The following PPARA variants were observed in gnomAD, a reference collection of about 807,000 sequenced individuals.
The protein encoded by PPARA is peroxisome proliferator activated receptor alpha.
Under a neutral mutation model 42.2 loss-of-function variants are expected in PPARA, and 22 were observed. The ratio of observed to expected loss-of-function variants is 0.52; its 90% confidence interval spans 0.37 to 0.74. PPARA has a LOEUF of 0.74. Among genes scored for constraint, PPARA ranks in the 30% least tolerant of loss-of-function variants. PPARA has a pLI of 0.00. For missense variants in PPARA, 465 were observed against 608.2 expected (o/e 0.76, Z 2.48); for synonymous variants, 242 against 239.3 (o/e 1.01, Z -0.10).
chr22:46,181,140 G>A (rs774849289), intron 3 of PPARA, among the ~76,000 whole-genome samples: 18 of 152,164 alleles, frequency 1.2e-4, no homozygotes, highest in African/African-American at 2.4e-5. Flanking sequence ...TGCAGGACAC[G>A]AGAGTGGCTC....
Position 46,161,963 on chromosome 22 carries a change from C to T in PPARA, c.-127+9993C>T, listed in dbSNP as rs891034976. ...TCACCTGGGCCCTCCCGGAGGCCCT[C>T]GCCCTCAGTGTGTCTGATTCTGAGC... On this transcript the variant is annotated intron_variant, in intron 2 of 8. Transcript: ENST00000407236. The surrounding 1 kb of genome is among the most constrained non-coding windows in gnomAD (Gnocchi z 4.8). 3.9e-5 allele frequency among the ~76,000 whole-genome samples: 6 copies of T among 152,278 alleles called. No individual in the cohort carries two copies. The highest frequency in any genetic ancestry group is 3.4e-3 in the Middle Eastern group (1 of 294).
rs181379222 is a variant in PPARA, at chr22:46,233,716, T to A, written c.1160-1417T>A. On this transcript the variant is annotated intron_variant, in intron 8 of 8. Coordinates refer to ENST00000407236, the MANE Select transcript of PPARA (RefSeq NM_005036.6). This position sits in a 1 kb window ranked among gnomAD's most constrained non-coding sequence, Gnocchi z 7.3. The stretch of plus-strand genomic sequence containing the variant: ...CACAGTTTTATAAAGGAAATTATAA[T>A]CCTATATCAATCCTATGTATATAGA... 6.8e-4 allele frequency among the ~76,000 whole-genome samples: 104 copies of A among 152,344 alleles called. 1 individual carries two copies. In the East Asian group the frequency reaches 0.018, roughly 27 times the overall value.
In PPARA at chr22:46,219,748, C is replaced by T; in HGVS notation, c.509-64C>T. ...TTAAAGTCCTGGGGGAGCCCCTCGT[C>T]CAGCCCTGTCCGCGCAGTCATGACC... On this transcript the variant is annotated intron_variant, in intron 6 of 8. Coordinates refer to ENST00000407236, the MANE Select transcript of PPARA (RefSeq NM_005036.6). This position sits in a 1 kb window ranked among gnomAD's most constrained non-coding sequence, Gnocchi z 4.8. 6.5e-7 allele frequency: 1 copy of T among 1,537,574 alleles called. No individual in the cohort carries two copies. The highest frequency in any genetic ancestry group is 9.0e-7 in the Non-Finnish European group (1 of 1,112,020).
intron 2 of PPARA, among the ~76,000 whole-genome samples, chr22:46,157,105 T>C (rs6008970): frequency 0.095 from 14,484 of 152,248 alleles, 2,187 homozygotes; most frequent in African/African-American, 0.32. Flanking sequence ...CACCCCTGTT[T>C]CTGTTAGTCT....
chr22:46,186,351 A>G (rs1930801085), intron 3 of PPARA, among the ~76,000 whole-genome samples: 2 of 152,034 alleles, frequency 1.3e-5, no homozygotes, highest in South Asian at 4.2e-4. Context: ...AGTTTATTCA[A>G]GGGTGTATTT....
chr22:46,158,535 A>G (rs1008393432), intron 2 of PPARA, among the ~76,000 whole-genome samples: 2 of 152,240 alleles, frequency 1.3e-5, no homozygotes, highest in Admixed American at 1.3e-4. Flanking sequence ...GTCCCTTTCT[A>G]AGAAGTTCGT....
chr22:46,193,098 ACT>A lies in PPARA; in HGVS notation c.-42-5241_-42-5240del, dbSNP rs1322883778. Among the ~76,000 whole-genome samples, 12 of 151,970 alleles carry A rather than the reference ACT, an allele frequency of 7.9e-5. No homozygotes were observed. The highest frequency in any genetic ancestry group is 5.9e-4 in the Admixed American group (9 of 15,250). ...TGTTGTTGTTTTGAGACAGAGTCTC[ACT>A]CTGTCACCCAGGCTGGAGTGCAGTG... On this transcript the variant is annotated intron_variant, in intron 3 of 8. Coordinates refer to ENST00000407236, the MANE Select transcript of PPARA (RefSeq NM_005036.6). This position sits in a 1 kb window ranked among gnomAD's most constrained non-coding sequence, Gnocchi z 5.3.
chr22:46,155,627 T>G (rs1408946412), intron 2 of PPARA: 1 of 152,250 alleles, frequency 6.6e-6, no homozygotes, highest in Non-Finnish European at 1.5e-5. Flanking sequence ...AGATACTTTT[T>G]AAAAAGGTAT....
At chr22:46,175,675 C>T (rs1179738511) in intron 2 of PPARA, among the ~76,000 whole-genome samples, 3 of 150,786 alleles carry the variant, frequency 2.0e-5, no homozygotes. Flanking sequence ...AATCACACCA[C>T]TGCACTCCAG....
chr22:46,199,649 A>AT lies in PPARA; in HGVS notation c.208+1065dup, dbSNP rs1235693725. Reference sequence around the variant, plus strand: ...AGTGAGACCCTGTCTTTAAAAAAAAATTTTTTTAAGCAACATTGAATGAAA... The same window carrying AT: ...AGTGAGACCCTGTCTTTAAAAAAAAATTTTTTTTAAGCAACATTGAATGAAA... On this transcript the variant is annotated intron_variant, in intron 4 of 8. Coordinates refer to ENST00000407236, the MANE Select transcript of PPARA (RefSeq NM_005036.6). 7.2e-5 allele frequency among the ~76,000 whole-genome samples: 11 copies of AT among 152,108 alleles called. No homozygotes were observed. The South Asian group carries it at 1.0e-3, about 14-fold the overall frequency.
At chr22:46,164,815 T>A (rs1926796975) in intron 2 of PPARA, 1 of 152,212 alleles carries the variant, frequency 6.6e-6, no homozygotes, top group Middle Eastern at 3.2e-3. Context: ...AATGCCTGAA[T>A]ATGAGGAAAA....
In PPARA at chr22:46,221,880, AC is replaced by A. The variant is rs1412031240; in HGVS notation, c.711+1869del. Among the ~76,000 whole-genome samples, 1 of 151,990 alleles carries A rather than the reference AC, an allele frequency of 6.6e-6. No individual in the cohort carries two copies. The highest frequency in any genetic ancestry group is 1.5e-5 in the Non-Finnish European group (1 of 68,006). ...CACTTGAGGTCAGGAGTTTGAGACC[AC>A]CCTGGCCAACATGGTGAAACCCCAT... On this transcript the variant is annotated intron_variant, in intron 7 of 8. Transcript: ENST00000407236. The surrounding 1 kb of genome is among the most constrained non-coding windows in gnomAD (Gnocchi z 5.9).
At position 46,237,625 on chromosome 22, in the gene PPARA, A is replaced by G; in HGVS notation, c.*2245A>G. 6.6e-6 allele frequency: 1 copy of G among 152,314 alleles called. No individual in the cohort carries two copies. Among genetic ancestry groups the G allele is most frequent in the Non-Finnish European group, 1.5e-5 (1 of 68,132 alleles). The allele number at this position is 152,314 out of a possible 1,614,324, so 9.4% of individuals were successfully genotyped here. On this transcript the variant is annotated 3_prime_UTR_variant, in exon 9 of 9. Coordinates refer to ENST00000407236, the MANE Select transcript of PPARA (RefSeq NM_005036.6). The surrounding 1 kb of genome is among the most constrained non-coding windows in gnomAD (Gnocchi z 6.7). ...CCCACCCCGGCAAAAAAAAAAAAAA[A>G]AGATGCAATCAAAGGGGCTGTTGGC...
intron 3 of PPARA, among the ~76,000 whole-genome samples, 194 bp downstream of exon 3, chr22:46,177,030 G>A (rs1272114844): frequency 6.6e-6 from 1 of 152,160 alleles, no homozygotes; most frequent in East Asian, 1.9e-4. Flanking sequence ...CTAACACAGT[G>A]AAACCCTGTC....
chr22:46,174,006 C>G (rs1243812194), intron 2 of PPARA, among the ~76,000 whole-genome samples: 1 of 149,580 alleles, frequency 6.7e-6, no homozygotes, highest in Admixed American at 6.7e-5. Flanking sequence ...AGATCGAGAC[C>G]CTCTCTACTA....
At position 46,216,355 on chromosome 22, in the gene PPARA, C is replaced by T. The variant is rs1199646887; in HGVS notation, c.369+1022C>T. ...CTGAGATCGAGCCATTTCACTCCAG[C>T]CTAGGCGACAAGAGTAAAACTTCAT... On this transcript the variant is annotated intron_variant, in intron 5 of 8. Coordinates refer to ENST00000407236, the MANE Select transcript of PPARA (RefSeq NM_005036.6). The surrounding 1 kb of genome is among the most constrained non-coding windows in gnomAD (Gnocchi z 4.5). Among the ~76,000 whole-genome samples the T allele has an allele frequency of 6.7e-6, 1 of 150,094 alleles. No homozygotes were observed. The highest frequency in any genetic ancestry group is 1.5e-5 in the Non-Finnish European group (1 of 67,828).
chr22:46,157,291 T>C (rs926559390), intron 2 of PPARA, among the ~76,000 whole-genome samples: 3 of 152,220 alleles, frequency 2.0e-5, no homozygotes, highest in Non-Finnish European at 4.4e-5. Context: ...ACCACAGTAC[T>C]GAGATGTAGG....
At chr22:46,175,854 G>A (rs183596957) in intron 2 of PPARA, 1 of 152,282 alleles carries the variant, frequency 6.6e-6, no homozygotes, top group Non-Finnish European at 1.5e-5. Flanking sequence ...AATTTCCATG[G>A]TATGGAGGAA....
rs1197867826 is a variant in PPARA at position 46,184,615 on chromosome 22, C to A, written c.-43+7779C>A. 6.6e-6 allele frequency among the ~76,000 whole-genome samples: 1 copy of A among 152,180 alleles called. No homozygotes were observed. Among genetic ancestry groups the A allele is most frequent in the Non-Finnish European group, 1.5e-5 (1 of 68,036 alleles). On this transcript the variant is annotated intron_variant, in intron 3 of 8. Coordinates refer to ENST00000407236, the MANE Select transcript of PPARA (RefSeq NM_005036.6). The surrounding 1 kb of genome is among the most constrained non-coding windows in gnomAD (Gnocchi z 4.4). The stretch of plus-strand genomic sequence containing the variant: ...CAGTGGCTCACACCTGTAATCCCAG[C>A]AATTTGGGAGGCCGAGATTACCTGA...
Sources: gnomAD v4.1 joint callset for allele counts (sites outside exome capture counted in the v4.1 genomes callset) on GRCh38, gnomAD v4.1.1 for gene constraint, Gnocchi (gnomAD v3.1) non-coding constraint, MANE v1.5 for transcripts, NCBI Gene and HGNC (gene_info 2026-07-23, HGNC 2026-07-21) for gene names.